DMXL2: variants seen among roughly 807,000 people sequenced by gnomAD.
DMXL2 encodes the protein Dmx like 2.
A neutral mutation model predicts 331.1 loss-of-function variants in DMXL2; 103 were observed. That is an observed-to-expected ratio of 0.31 (90% CI 0.27 to 0.37). The LOEUF (loss-of-function observed/expected upper bound fraction) is 0.37, where lower values mean the gene tolerates loss of function less well. DMXL2 is among the 10% of genes least tolerant of loss of function. The pLI, the probability that DMXL2 is intolerant of heterozygous loss-of-function variation, is 1.00. For missense variants in DMXL2, 3,171 were observed against 3,642.9 expected, an observed-to-expected ratio of 0.87 and a Z score of 3.33; for synonymous variants, 1,281 against 1,252.1, an observed-to-expected ratio of 1.02 and a Z score of -0.49.
At chr15:51,580,275 G>C (rs1284361323) in intron 1 of DMXL2, among the ~76,000 whole-genome samples, 1 of 152,140 alleles carries the variant, frequency 6.6e-6, no homozygotes. Flanking sequence ...AGGAAAACAG[G>C]GTGTTCGTTA....
intron 16 of DMXL2, among the ~76,000 whole-genome samples, chr15:51,504,218 C>A (rs2043891918): frequency 6.6e-6 from 1 of 152,094 alleles, no homozygotes; most frequent in South Asian, 2.1e-4. Flanking sequence ...TATACTGCCT[C>A]ACTTTTAGAT....
chr15:51,488,219 A>G, intron 21 of DMXL2, 100 bp from the exon 22 acceptor site: 1 of 1,140,990 alleles, frequency 8.8e-7, no homozygotes, highest in South Asian at 1.9e-5. Flanking sequence ...GAAATCTAAA[A>G]GAAGAACAAT....
chr15:51,469,351 C>G (rs1311361230), intron 29 of DMXL2, among the ~76,000 whole-genome samples: 1 of 152,042 alleles, frequency 6.6e-6, no homozygotes, highest in African/African-American at 2.4e-5. Context: ...ATAAAAGATT[C>G]ATATGCTATT....
intron 6 of DMXL2, among the ~76,000 whole-genome samples, chr15:51,552,212 G>A (rs1339875097): frequency 1.3e-5 from 2 of 152,182 alleles, no homozygotes; most frequent in African/African-American, 4.8e-5. Flanking sequence ...CCATGGTAAA[G>A]ATCATAATCT....
chr15:51,575,987 G>T, intron 2 of DMXL2, 69 bp downstream of exon 2: 1 of 1,444,980 alleles, frequency 6.9e-7, no homozygotes, highest in East Asian at 2.3e-5. Flanking sequence ...TGCATAAAAG[G>T]ATAAGAAGAT....
chr15:51,452,691 T>C (rs2039256674), intron 41 of DMXL2, among the ~76,000 whole-genome samples: 1 of 152,140 alleles, frequency 6.6e-6, no homozygotes, highest in Non-Finnish European at 1.5e-5. Context: ...CGGAGATTCC[T>C]TAAAGAACTA....
intron 1 of DMXL2, 92 bp downstream of exon 1, chr15:51,622,367 C>T (rs1180746137): frequency 1.3e-5 from 20 of 1,508,946 alleles, no homozygotes; most frequent in Admixed American, 2.1e-5. Context: ...CATCTCACAG[C>T]CTCCTGAGGA....
At chr15:51,592,909 A>G (rs2141253265) in intron 1 of DMXL2, among the ~76,000 whole-genome samples, 1 of 152,346 alleles carries the variant, frequency 6.6e-6, no homozygotes, top group South Asian at 2.1e-4. Context: ...GAGCTCCTGA[A>G]GGAAGCACTA....
At chr15:51,483,222 C>T (rs902318606) in intron 23 of DMXL2, among the ~76,000 whole-genome samples, 14 of 152,176 alleles carry the variant, frequency 9.2e-5, no homozygotes, top group African/African-American at 3.4e-4. Flanking sequence ...AAGGTGTGTG[C>T]CCTCCACCTA....
chr15:51,594,332 C>T (rs899550005), intron 1 of DMXL2, among the ~76,000 whole-genome samples: 1 of 152,152 alleles, frequency 6.6e-6, no homozygotes, highest in African/African-American at 2.4e-5. Flanking sequence ...GGATAAATTC[C>T]TCGACACATA....
intron 9 of DMXL2, 27 bp downstream of exon 9, chr15:51,542,306 T>A (rs1387148365): frequency 6.3e-7 from 1 of 1,596,124 alleles, no homozygotes; most frequent in South Asian, 1.1e-5. Flanking sequence ...TCAACATATT[T>A]ATGGGAAATA....
At chr15:51,565,617 G>A (rs1383677086) in intron 3 of DMXL2, among the ~76,000 whole-genome samples, 1 of 152,096 alleles carries the variant, frequency 6.6e-6, no homozygotes, top group Non-Finnish European at 1.5e-5. Context: ...CTATACATCT[G>A]ACTCTCCTCC....
chr15:51,526,391 C>G (rs2047678157), intron 13 of DMXL2, among the ~76,000 whole-genome samples: 1 of 152,210 alleles, frequency 6.6e-6, no homozygotes, highest in Non-Finnish European at 1.5e-5. Context: ...TCACAAAACC[C>G]AAGTCCTTCT....
intron 1 of DMXL2, among the ~76,000 whole-genome samples, 162 bp from the exon 2 acceptor site, chr15:51,576,343 T>A (rs1446196844): frequency 6.6e-6 from 1 of 152,064 alleles, no homozygotes; most frequent in Non-Finnish European, 1.5e-5. Context: ...ATAAGAACAT[T>A]AAAAGTCACA....
chr15:51,608,688 A>G (rs1185925753), intron 1 of DMXL2, among the ~76,000 whole-genome samples: 1 of 152,198 alleles, frequency 6.6e-6, no homozygotes, highest in Non-Finnish European at 1.5e-5. Context: ...TGTACACCAA[A>G]CCAAGCAACA....
chr15:51,582,113 T>C (rs1345070380), intron 1 of DMXL2, among the ~76,000 whole-genome samples: 1 of 152,178 alleles, frequency 6.6e-6, no homozygotes, highest in Admixed American at 6.5e-5. Flanking sequence ...GTACCATTTA[T>C]TAAAAACCTA....
Position 51,585,401 on chromosome 15 carries a change from C to A in DMXL2, c.88-9220G>T, listed in dbSNP as rs544104762. Among the ~76,000 whole-genome samples the A allele has an allele frequency of 2.6e-5, 4 of 151,994 alleles. No homozygotes were observed. In the South Asian group the frequency reaches 8.3e-4, roughly 32 times the overall value. On this transcript the variant is annotated intron_variant, in intron 1 of 43. Transcript: ENST00000560891. ...ATTGAGATAATCATGTGGTTTTTGT[C>A]TTTGGCTCTGTTTATATTCATTCTT...
chr15:51,608,192 A>AG (rs2053718817), intron 1 of DMXL2, among the ~76,000 whole-genome samples: 1 of 151,954 alleles, frequency 6.6e-6, no homozygotes, highest in Non-Finnish European at 1.5e-5. Context: ...CTCAAAAAAA[A>AG]AAGAATGAAA....
At chr15:51,602,980 A>C (rs2053334665) in intron 1 of DMXL2, among the ~76,000 whole-genome samples, 1 of 152,266 alleles carries the variant, frequency 6.6e-6, no homozygotes, top group South Asian at 2.1e-4. Flanking sequence ...TGTTGAAATC[A>C]ACTGACAAAG....
Sources: gnomAD v4.1 joint callset for allele counts (sites outside exome capture counted in the v4.1 genomes callset) on GRCh38, gnomAD v4.1.1 for gene constraint, MANE v1.5 for transcripts, NCBI Gene and HGNC (gene_info 2026-07-23, HGNC 2026-07-21) for gene names.